Variants in CCDC3 observed in about 807,000 individuals in gnomAD.
CCDC3 encodes the protein coiled-coil domain-containing protein 3.
Under a neutral mutation model 21.4 loss-of-function variants are expected in CCDC3, and 24 were observed. The observed-to-expected ratio is 1.12, with a 90% CI of 0.81 to 1.58. The LOEUF (loss-of-function observed/expected upper bound fraction) is 1.58, where lower values mean the gene tolerates loss of function less well. CCDC3 is among the 40% of genes most tolerant of loss of function. CCDC3 has a pLI of 0.00. For missense variants in CCDC3, 425 were observed against 360.9 expected, an observed-to-expected ratio of 1.18 and a Z score of -1.44; for synonymous variants, 186 against 166.0, an observed-to-expected ratio of 1.12 and a Z score of -0.93.
intron 4 of CCDC3, chr10:13,058,230 G>C (rs1237536426): frequency 7.6e-7 from 1 of 1,317,222 alleles, no homozygotes. Flanking sequence ...GTTCTGGCAA[G>C]GCCTGCATCC....
intron 2 of CCDC3, among the ~76,000 whole-genome samples, chr10:12,919,679 G>A (rs1005576752): frequency 6.7e-5 from 10 of 150,140 alleles, no homozygotes; most frequent in South Asian, 2.1e-4. Flanking sequence ...TCTTGCAGTC[G>A]CCTTGATGCC....
intron 2 of CCDC3, among the ~76,000 whole-genome samples, chr10:12,947,547 T>C (rs1322592397): frequency 6.6e-6 from 1 of 152,168 alleles, no homozygotes; most frequent in Non-Finnish European, 1.5e-5. Flanking sequence ...GCCTGTGACT[T>C]TGTCACCTCA....
Position 12,901,832 on chromosome 10 carries a change from C to T in CCDC3, c.550-3153G>A, listed in dbSNP as rs75518818. On this transcript the variant is annotated intron_variant, in intron 2 of 2. Transcript: ENST00000378825. ...CTTCCTTCTGTTCCCACATTTTATA[C>T]CCAAGGCACACTGGGTCCCACCCAG... Among the ~76,000 whole-genome samples, 6 of 152,330 alleles carry T rather than the reference C, an allele frequency of 3.9e-5. No homozygotes were observed. In the East Asian group the frequency reaches 9.7e-4, roughly 25 times the overall value.
At chr10:12,924,992 A>C (rs1834512612) in intron 2 of CCDC3, among the ~76,000 whole-genome samples, 1 of 152,188 alleles carries the variant, frequency 6.6e-6, no homozygotes, top group South Asian at 2.1e-4. Context: ...GCCCGTGTGG[A>C]CACCAAGCAC....
At chr10:12,998,633 C>T in intron 1 of CCDC3, 121 bp from the exon 2 acceptor site, 2 of 814,928 alleles carry the variant, frequency 2.5e-6, no homozygotes, top group Non-Finnish European at 3.9e-6. Flanking sequence ...TGGCATGGCT[C>T]TCATTAGAGG....
chr10:13,057,908 G>T, intron 4 of CCDC3: 1 of 519,528 alleles, frequency 1.9e-6, no homozygotes. Context: ...TTCTTTCTTG[G>T]GCTTCTTTTC....
intron 2 of CCDC3, among the ~76,000 whole-genome samples, chr10:12,975,825 C>G (rs980891960): frequency 2.6e-5 from 4 of 152,166 alleles, no homozygotes; most frequent in Admixed American, 6.5e-5. Context: ...AGAATGAGCC[C>G]AATCCCAAAT....
intron 2 of CCDC3, among the ~76,000 whole-genome samples, chr10:12,922,167 A>C (rs1292124860): frequency 6.6e-6 from 1 of 152,216 alleles, no homozygotes; most frequent in Non-Finnish European, 1.5e-5. Context: ...CTGCCTTTAC[A>C]CACTGACTTC....
rs369781761 is a variant in CCDC3, at chr10:12,935,668, A to ATT, written c.550-36991_550-36990dup. On this transcript the variant is annotated intron_variant, in intron 2 of 2. Transcript: ENST00000378825. ...ATACACATACAACCAATCCAAGTAC[A>ATT]TTTTTTTTTTTTTTTGAGACGGAGT... Among the ~76,000 whole-genome samples the ATT allele has an allele frequency of 3.3e-4, 47 of 140,954 alleles. 1 individual carries two copies. Among genetic ancestry groups the ATT allele is most frequent in the East Asian group, 8.4e-4 (4 of 4,780 alleles). 92.5% of individuals were successfully genotyped at this position (140,954 alleles called of 152,430 possible). A position where few individuals can be genotyped will look rare whatever the true frequency, so the allele number is the denominator to read the frequency against.
intron 2 of CCDC3, among the ~76,000 whole-genome samples, chr10:12,956,095 C>T (rs576072679): frequency 1.3e-5 from 2 of 152,274 alleles, no homozygotes; most frequent in South Asian, 2.1e-4. Context: ...CCTCCCACCT[C>T]GGCCTCCCAA....
chr10:12,907,274 G>A (rs575398450), intron 2 of CCDC3, among the ~76,000 whole-genome samples: 4 of 152,264 alleles, frequency 2.6e-5, no homozygotes, highest in Admixed American at 2.0e-4. Flanking sequence ...ATGAAAAACC[G>A]GTGAAGAAGC....
chr10:12,947,143 CTT>C (rs66542050), intron 2 of CCDC3, among the ~76,000 whole-genome samples: 3 of 145,558 alleles, frequency 2.1e-5, no homozygotes, highest in Non-Finnish European at 1.5e-5. Context: ...CTTTTGCTCA[CTT>C]TTTTTTTTTT....
intron 5 of CCDC3, among the ~76,000 whole-genome samples, chr10:13,009,307 G>A (rs1835959310): frequency 6.6e-6 from 1 of 152,062 alleles, no homozygotes; most frequent in African/African-American, 2.4e-5. Flanking sequence ...TTTTTCATAG[G>A]TTGGGAGACT....
chr10:13,038,978 C>G (rs1231173375), intron 5 of CCDC3, among the ~76,000 whole-genome samples: 1 of 152,178 alleles, frequency 6.6e-6, no homozygotes, highest in African/African-American at 2.4e-5. Flanking sequence ...AGAACCTAAA[C>G]AGGGGTCCCT....
chr10:12,960,045 T>G (rs558464883), intron 2 of CCDC3, among the ~76,000 whole-genome samples: 1 of 152,154 alleles, frequency 6.6e-6, no homozygotes, highest in Admixed American at 6.5e-5. Flanking sequence ...TCCCAGCTAC[T>G]TGGGAGGCTG....
intron 2 of CCDC3, among the ~76,000 whole-genome samples, chr10:12,920,135 G>C (rs1367952619): frequency 6.6e-6 from 1 of 152,178 alleles, no homozygotes; most frequent in Non-Finnish European, 1.5e-5. Context: ...TGGACTCTCA[G>C]TTCCATGTGG....
chr10:12,960,275 T>C (rs1835161675), intron 2 of CCDC3, among the ~76,000 whole-genome samples: 1 of 152,206 alleles, frequency 6.6e-6, no homozygotes, highest in South Asian at 2.1e-4. Context: ...CTTTTGTGTT[T>C]TTATCCTGCA....
chr10:13,064,718 G>A (rs189539138), intron 4 of CCDC3, among the ~76,000 whole-genome samples: 6 of 152,190 alleles, frequency 3.9e-5, no homozygotes, highest in Non-Finnish European at 5.9e-5. Context: ...CCTGGAAGGC[G>A]GAGCTTGCAG....
intron 2 of CCDC3, among the ~76,000 whole-genome samples, chr10:12,969,055 C>T (rs1013784145): frequency 1.3e-5 from 2 of 152,082 alleles, no homozygotes; most frequent in East Asian, 1.9e-4. Context: ...AGACAAACTA[C>T]ACACCTGATA....
Sources: allele counts gnomAD v4.1 joint callset (sites outside exome capture counted in the v4.1 genomes callset), GRCh38; gene constraint gnomAD v4.1.1; transcripts MANE v1.5; gene names NCBI Gene and HGNC (gene_info 2026-07-23, HGNC 2026-07-21).